The following SELENOI variants were observed in gnomAD, a reference collection of about 807,000 sequenced individuals.
SELENOI encodes the protein selenoprotein I.
Under a neutral mutation model 50.7 loss-of-function variants are expected in SELENOI, and 24 were observed. That is an observed-to-expected ratio of 0.47 (90% CI 0.34 to 0.67). The LOEUF (loss-of-function observed/expected upper bound fraction) is 0.67. SELENOI is among the 30% of genes least tolerant of loss of function. The pLI, the probability that SELENOI is intolerant of heterozygous loss-of-function variation, is 0.01. For synonymous variants in SELENOI, 155 were observed against 170.2 expected, an observed-to-expected ratio of 0.91 and a Z score of 0.70; for missense variants, 352 against 461.4, an observed-to-expected ratio of 0.76 and a Z score of 2.17.
At chr2:26,363,540 T>A (rs1049629385) in intron 1 of SELENOI, among the ~76,000 whole-genome samples, 3 of 151,914 alleles carry the variant, frequency 2.0e-5, no homozygotes, top group Non-Finnish European at 2.9e-5. Flanking sequence ...TGATTGAGAG[T>A]GAAGGATGAG....
chr2:26,371,272 G>T (rs1311032094), intron 4 of SELENOI, among the ~76,000 whole-genome samples: 2 of 150,802 alleles, frequency 1.3e-5, no homozygotes, highest in Non-Finnish European at 3.0e-5. Flanking sequence ...GGGTGGCCGG[G>T]CAGAGACGCT....
At position 26,391,002 on chromosome 2, in the gene SELENOI, A is replaced by T. The variant is rs896570297; in HGVS notation, c.*1899A>T. On this transcript the variant is annotated 3_prime_UTR_variant, in exon 10 of 10. Transcript: ENST00000260585. ...ATAAGAAAAGAACTGATAAATATTT[A>T]TAAAATGACAAACTTGGACCACAGG... 1 of 152,264 alleles carries T rather than the reference A, an allele frequency of 6.6e-6. No individual in the cohort carries two copies. The highest frequency in any genetic ancestry group is 6.5e-5 in the Admixed American group (1 of 15,288). 9.4% of individuals were successfully genotyped at this position (152,264 alleles called of 1,614,324 possible).
rs1338803102 is a variant in SELENOI at position 26,393,734 on chromosome 2, G to T, written c.*4631G>T. ...TTTTAAAGCAAGTATATTGGATGAT[G>T]GCTATAGGGTACCTTAATGCTGTGT... On this transcript the variant is annotated 3_prime_UTR_variant, in exon 10 of 10. Transcript: ENST00000260585. 1 of 152,150 alleles carries T rather than the reference G, an allele frequency of 6.6e-6. No homozygotes were observed. The highest frequency in any genetic ancestry group is 6.5e-5 in the Admixed American group (1 of 15,276). 9.4% of individuals were successfully genotyped at this position (152,150 alleles called of 1,614,324 possible).
chr2:26,363,767 A>G (rs1037567584), intron 1 of SELENOI, among the ~76,000 whole-genome samples: 1 of 151,940 alleles, frequency 6.6e-6, no homozygotes, highest in African/African-American at 2.4e-5. Flanking sequence ...TTTTTGTATT[A>G]TTATTATTAT....
intron 1 of SELENOI, among the ~76,000 whole-genome samples, chr2:26,363,840 C>G (rs1677230871): frequency 6.6e-6 from 1 of 152,006 alleles, no homozygotes; most frequent in Non-Finnish European, 1.5e-5. Flanking sequence ...AGGCTTGGCT[C>G]ACTGCAACCT....
At chr2:26,360,172 C>G (rs1435488790) in intron 1 of SELENOI, among the ~76,000 whole-genome samples, 1 of 152,222 alleles carries the variant, frequency 6.6e-6, no homozygotes, top group East Asian at 1.9e-4. Context: ...TTATCTTTTT[C>G]ATGAACATGG....
chr2:26,348,761 C>A (rs1574746193), intron 1 of SELENOI, among the ~76,000 whole-genome samples: 1 of 139,466 alleles, frequency 7.2e-6, no homozygotes, highest in African/African-American at 2.7e-5. Context: ...AAGTGCTAAA[C>A]AAATATTGAA....
At chr2:26,383,252 T>C in intron 6 of SELENOI, 47 bp from the exon 7 acceptor site, 1 of 1,408,512 alleles carries the variant, frequency 7.1e-7, no homozygotes, top group Non-Finnish European at 9.6e-7. Flanking sequence ...GGTAATGTAA[T>C]AATTGCTCTT....
chr2:26,385,007 G>C lies in SELENOI; in HGVS notation c.780G>C (p.Met260Ile). 2 of 1,612,382 alleles carry C rather than the reference G, an allele frequency of 1.2e-6. No homozygotes were observed. Among genetic ancestry groups the C allele is most frequent in the Non-Finnish European group, 1.7e-6 (2 of 1,179,358 alleles). Reference protein sequence around the residue: ...TLKLNSVYEAMVPLFSPCLLF... With the variant: ...TLKLNSVYEAIVPLFSPCLLF... ...AACTCAATTCAGTCTATGAAGCTAT[G>C]GTTCCCTTATTTTCTCCATGCTTGC... The change falls in exon 8 of 10, where the codon ATG becomes ATC. Residue 260 changes from methionine to isoleucine, a missense_variant. Met to Ile is a conservative substitution (Grantham distance 10, BLOSUM62 1). Transcript: ENST00000260585.
At chr2:26,363,325 G>A (rs1558414194) in intron 1 of SELENOI, among the ~76,000 whole-genome samples, 1 of 152,174 alleles carries the variant, frequency 6.6e-6, no homozygotes, top group Non-Finnish European at 1.5e-5. Flanking sequence ...TAAGTAACTT[G>A]CCCAAGGTCT....
chr2:26,373,192 A>G (rs1011373636), intron 4 of SELENOI, among the ~76,000 whole-genome samples, 175 bp from the exon 5 acceptor site: 2 of 152,182 alleles, frequency 1.3e-5, no homozygotes, highest in Admixed American at 6.5e-5. Flanking sequence ...CCTGGCCCTA[A>G]ACTCTTTGAA....
intron 3 of SELENOI, among the ~76,000 whole-genome samples, chr2:26,365,726 C>G (rs1451425650): frequency 2.6e-5 from 4 of 151,566 alleles, no homozygotes; most frequent in Non-Finnish European, 5.9e-5. Context: ...TCTGGACTGA[C>G]CTGGAGAAAC....
intron 6 of SELENOI, among the ~76,000 whole-genome samples, chr2:26,379,357 G>A (rs1448884958): frequency 2.6e-5 from 4 of 152,052 alleles, no homozygotes; most frequent in African/African-American, 7.2e-5. Context: ...AGGTCATTTG[G>A]CCAATAGAAT....
At chr2:26,355,737 C>A (rs1031200624) in intron 1 of SELENOI, among the ~76,000 whole-genome samples, 1 of 151,682 alleles carries the variant, frequency 6.6e-6, no homozygotes, top group Non-Finnish European at 1.5e-5. Context: ...GTCTCTCTCT[C>A]TCTCTCCCTT....
At chr2:26,360,192 G>A (rs1359883140) in intron 1 of SELENOI, among the ~76,000 whole-genome samples, 1 of 152,212 alleles carries the variant, frequency 6.6e-6, no homozygotes, top group Non-Finnish European at 1.5e-5. Context: ...GAAGGTTCAA[G>A]TCATTCTTCT....
chr2:26,388,904 C>G (rs1677903607), intron 9 of SELENOI, 101 bp from the exon 10 acceptor site: 2 of 857,154 alleles, frequency 2.3e-6, no homozygotes, highest in Admixed American at 2.3e-5. Context: ...ATGATTTTTG[C>G]CGTGTCAATA....
At position 26,346,203 on chromosome 2, in the gene SELENOI, G is replaced by C; in HGVS notation, c.-30G>C. On this transcript the variant is annotated 5_prime_UTR_variant, in exon 1 of 10. Coordinates refer to ENST00000260585, the MANE Select transcript of SELENOI (RefSeq NM_033505.4). ...CACAGCCTTGTAGCCGGGAGTCGCT[G>C]CCGAGTGGGCGCTCAGTTTTCGGGT... 3 of 1,613,520 alleles carry C rather than the reference G, an allele frequency of 1.9e-6. No homozygotes were observed. Among genetic ancestry groups the C allele is most frequent in the Non-Finnish European group, 2.5e-6 (3 of 1,179,642 alleles).
At chr2:26,375,004 T>C in intron 5 of SELENOI, 36 bp from the exon 6 acceptor site, 1 of 1,403,800 alleles carries the variant, frequency 7.1e-7, no homozygotes, top group South Asian at 1.2e-5. Context: ...CTAGCGTTAA[T>C]GCTTCTGTAT....
intron 1 of SELENOI, among the ~76,000 whole-genome samples, chr2:26,352,215 G>A (rs1223215721): frequency 6.6e-6 from 1 of 152,154 alleles, no homozygotes; most frequent in African/African-American, 2.4e-5. Context: ...GGGAGCCACT[G>A]TTTAAAATTG....
Sources: allele counts gnomAD v4.1 joint callset (sites outside exome capture counted in the v4.1 genomes callset), GRCh38; gene constraint gnomAD v4.1.1; transcripts MANE v1.5; gene names NCBI Gene and HGNC (gene_info 2026-07-23, HGNC 2026-07-21).